The following PEAK1 variants were observed in gnomAD, a reference collection of about 807,000 sequenced individuals.
PEAK1 encodes pseudopodium enriched atypical kinase 1, also known as inactive tyrosine-protein kinase PEAK1.
PEAK1 carries 54 observed loss-of-function variants against 124.7 expected under a neutral mutation model. That is an observed-to-expected ratio of 0.43 (90% CI 0.35 to 0.54). PEAK1 has a LOEUF of 0.54. Ranked by LOEUF, PEAK1 falls within the 20% of genes least tolerant of loss-of-function variation. PEAK1 has a pLI of 0.01. For synonymous variants in PEAK1, 719 were observed against 760.0 expected (o/e 0.95, Z 0.89); for missense variants, 2,046 against 2,134.5 (o/e 0.96, Z 0.82).
intron 3 of PEAK1, among the ~76,000 whole-genome samples, chr15:77,285,676 T>C (rs959545763): frequency 2.6e-5 from 4 of 152,366 alleles, no homozygotes; most frequent in Admixed American, 2.6e-4. Context: ...GTCTTTCATA[T>C]TCATAGTTAA....
At chr15:77,301,600 C>A (rs2063790750) in intron 2 of PEAK1, among the ~76,000 whole-genome samples, 2 of 152,136 alleles carry the variant, frequency 1.3e-5, no homozygotes, top group South Asian at 4.1e-4. Context: ...GGGAGAAAAA[C>A]CACACAGGTA....
intron 8 of PEAK1, among the ~76,000 whole-genome samples, chr15:77,150,481 G>C (rs992277336): frequency 6.6e-6 from 1 of 151,908 alleles, no homozygotes; most frequent in African/African-American, 2.4e-5. Flanking sequence ...CTTCATAACT[G>C]AGAATACAAT....
At chr15:77,279,096 C>CGT (rs139127790) in intron 5 of PEAK1, among the ~76,000 whole-genome samples, 6 of 110,064 alleles carry the variant, frequency 5.5e-5, no homozygotes, top group South Asian at 2.6e-4. Flanking sequence ...CCAAGGTGCT[C>CGT]GTGTGTGCGT....
At chr15:77,330,141 T>C (rs919248185) in intron 2 of PEAK1, among the ~76,000 whole-genome samples, 3 of 152,132 alleles carry the variant, frequency 2.0e-5, no homozygotes, top group Non-Finnish European at 2.9e-5. Flanking sequence ...TTGAAAAACA[T>C]TGGTCTGTAT....
At chr15:77,137,645 G>T (rs2053446508) in intron 8 of PEAK1, among the ~76,000 whole-genome samples, 1 of 152,196 alleles carries the variant, frequency 6.6e-6, no homozygotes, top group Non-Finnish European at 1.5e-5. Flanking sequence ...TACCTGCATT[G>T]TATCTAGGAA....
rs1356862952 is a variant in PEAK1 at position 77,133,315 on chromosome 15, C to T, written c.3767G>A (p.Ser1256Asn). The change falls in exon 9 of 10, where the codon AGC becomes AAC. Residue 1256 changes from serine (S) to asparagine (N), a missense_variant. Ser to Asn is a conservative substitution (Grantham distance 46). Coordinates refer to ENST00000682557, the MANE Select transcript of PEAK1 (RefSeq NM_001385026.1). This position sits in a 1 kb window ranked among gnomAD's most constrained non-coding sequence, Gnocchi z 4.2. ...RFSNSMESLS[S>N]RRGPSCRQGR... ...CTGTCTGCAAGAGGGCCCACGCCGG[C>T]TGGAGAGGGATTCCATGCTGTTGGA... is the stretch of plus-strand genomic sequence containing the variant. 2 of 1,614,254 alleles carry T rather than the reference C, an allele frequency of 1.2e-6. No homozygotes were observed. Among genetic ancestry groups the T allele is most frequent in the South Asian group, 2.2e-5 (2 of 91,088 alleles).
chr15:77,229,102 C>A (rs1476241568), intron 6 of PEAK1, among the ~76,000 whole-genome samples: 6 of 152,124 alleles, frequency 3.9e-5, no homozygotes, highest in African/African-American at 7.2e-5. Flanking sequence ...GAAAACCATT[C>A]CAAGAGACTG....
At chr15:77,380,172 A>C (rs927418550) in intron 1 of PEAK1, among the ~76,000 whole-genome samples, 3 of 152,232 alleles carry the variant, frequency 2.0e-5, no homozygotes, top group African/African-American at 7.2e-5. Context: ...CACCAAAAGC[A>C]AATCAATACT....
intron 1 of PEAK1, among the ~76,000 whole-genome samples, chr15:77,401,197 T>C (rs112964414): frequency 0.022 from 3,298 of 152,284 alleles, 56 homozygotes; most frequent in Non-Finnish European, 0.034. Context: ...ACATACCCTG[T>C]AACTCATTTA....
intron 6 of PEAK1, among the ~76,000 whole-genome samples, chr15:77,193,676 C>T (rs771457724): frequency 5.9e-5 from 9 of 152,090 alleles, no homozygotes; most frequent in African/African-American, 1.2e-4. Flanking sequence ...CAGTGGTGCG[C>T]GCTTGTAATC....
At position 77,346,379 on chromosome 15, in the gene PEAK1, C is replaced by A. The variant is rs562886764; in HGVS notation, c.-603+18784G>T. 13 of 984,782 alleles carry A rather than the reference C, an allele frequency of 1.3e-5. No individual in the cohort carries two copies. In the African/African-American group the frequency reaches 1.6e-4, roughly 12 times the overall value. 61.0% of individuals were successfully genotyped at this position (984,782 alleles called of 1,614,324 possible). ...TTTGTTCCTGTTCTATAATCCCAGA[C>A]AGAAAAATGTTTATGAGAAGGCAAT... is the stretch of plus-strand genomic sequence containing the variant. On this transcript the variant is annotated intron_variant, in intron 2 of 9. Coordinates refer to ENST00000682557, the MANE Select transcript of PEAK1 (RefSeq NM_001385026.1).
chr15:77,337,569 C>A, intron 2 of PEAK1: 1 of 985,124 alleles, frequency 1.0e-6, no homozygotes, highest in Admixed American at 6.1e-5. Context: ...TCCACACCAA[C>A]AGAATTTTTA....
At chr15:77,404,407 G>A (rs996961772) in intron 1 of PEAK1, 1 of 845,636 alleles carries the variant, frequency 1.2e-6, no homozygotes, top group Non-Finnish European at 1.4e-6. Context: ...GCTTTAAGTG[G>A]AAAATATACA....
intron 6 of PEAK1, among the ~76,000 whole-genome samples, chr15:77,187,269 T>C (rs142988131): frequency 3.4e-4 from 52 of 152,348 alleles, no homozygotes; most frequent in African/African-American, 1.2e-3. Flanking sequence ...CCCTTCAGGC[T>C]ATAGATTAAG....
intron 1 of PEAK1, chr15:77,371,244 C>G (rs2068619062): frequency 1.0e-6 from 1 of 982,228 alleles, no homozygotes; most frequent in Admixed American, 6.2e-5. Context: ...CACTCCAAAC[C>G]TAGGGCCTAG....
At chr15:77,230,073 G>A (rs1391427241) in intron 6 of PEAK1, among the ~76,000 whole-genome samples, 2 of 152,190 alleles carry the variant, frequency 1.3e-5, no homozygotes, top group Non-Finnish European at 2.9e-5. Context: ...AATTTCAAGT[G>A]AGGGGGAGAA....
intron 1 of PEAK1, among the ~76,000 whole-genome samples, chr15:77,413,885 G>A (rs1032069426): frequency 2.0e-5 from 3 of 152,028 alleles, no homozygotes; most frequent in Non-Finnish European, 2.9e-5. Flanking sequence ...GTGCAGTGGT[G>A]CAATCATGGC....
intron 6 of PEAK1, among the ~76,000 whole-genome samples, chr15:77,221,712 A>T (rs1193245655): frequency 1.3e-5 from 2 of 152,124 alleles, no homozygotes; most frequent in African/African-American, 4.8e-5. Context: ...GGAATTTAAA[A>T]ACCATTATAG....
intron 1 of PEAK1, chr15:77,419,333 C>T (rs1275676810): frequency 2.0e-6 from 2 of 985,176 alleles, no homozygotes; most frequent in African/African-American, 3.5e-5. Context: ...GTTCAGACGG[C>T]AAGTCCCCAT....
Sources: allele counts gnomAD v4.1 joint callset (sites outside exome capture counted in the v4.1 genomes callset), GRCh38; gene constraint gnomAD v4.1.1; non-coding constraint Gnocchi (gnomAD v3.1); transcripts MANE v1.5; gene names NCBI Gene and HGNC (gene_info 2026-07-23, HGNC 2026-07-21).